OPN4: variants seen among roughly 807,000 people sequenced by gnomAD.
OPN4 encodes the protein opsin 4.
A neutral mutation model predicts 49.5 loss-of-function variants in OPN4; 43 were observed. The observed-to-expected ratio is 0.87, with a 90% CI of 0.68 to 1.12. OPN4 has a LOEUF of 1.12. Ranked by LOEUF, OPN4 falls within the 50% of genes most tolerant of loss-of-function variation. The probability of loss-of-function intolerance (pLI) is 0.00; values close to 1 mark genes in which losing one functional copy is unlikely to be tolerated. For synonymous variants in OPN4, 263 were observed against 258.0 expected (o/e 1.02, Z -0.19); for missense variants, 657 against 643.9 (o/e 1.02, Z -0.22).
At chr10:86,657,676 C>G (rs1242254848) in intron 2 of OPN4, among the ~76,000 whole-genome samples, 5 of 152,122 alleles carry the variant, frequency 3.3e-5, no homozygotes, top group Non-Finnish European at 7.4e-5. Flanking sequence ...TGGTGTGAGT[C>G]GTGCAGAGGA....
Position 86,663,684 on chromosome 10 carries a change from C to A in OPN4, c.1280C>A (p.Ala427Asp). 1 of 1,560,112 alleles carries A rather than the reference C, an allele frequency of 6.4e-7. No homozygotes were observed. The highest frequency in any genetic ancestry group is 1.2e-5 in the South Asian group (1 of 81,952). Residue 427 changes from alanine to aspartate, a missense_variant, in exon 9 of 10, where the codon GCT (alanine) becomes GAT (aspartate). Physicochemically the swap from Ala to Asp is moderately radical, Grantham distance 126 (BLOSUM62 -2). Coordinates refer to ENST00000241891, the MANE Select transcript of OPN4 (RefSeq NM_033282.4). ...EVGWTHMEAA[A>D]VWGAAQQANG... The stretch of plus-strand genomic sequence containing the variant: ...GGCTGGACACACATGGAGGCAGCAG[C>A]TGTGTGGGGAGCTGCCCAGCAAGCA...
intron 1 of OPN4, 84 bp from the exon 2 acceptor site, chr10:86,656,071 T>G: frequency 7.2e-5 from 113 of 1,578,484 alleles, no homozygotes; most frequent in Non-Finnish European, 9.0e-5. Context: ...CCTGCCCTGT[T>G]GAGAATCCTA....
chr10:86,663,622 C>A lies in OPN4; in HGVS notation c.1255-37C>A, dbSNP rs372464053. The A allele has an allele frequency of 4.8e-5, 71 of 1,464,992 alleles. 1 individual carries two copies. In the African/African-American group the frequency reaches 9.1e-4, roughly 19 times the overall value. The allele number at this position is 1,464,992 out of a possible 1,614,324, so 90.7% of individuals were successfully genotyped here. ...GGGCAGGAGCAAAGCTACGGACTGTCCCTCTCACCTCACAGTCACTCTCTC... is the reference window on the plus strand; with the variant it reads ...GGGCAGGAGCAAAGCTACGGACTGTACCTCTCACCTCACAGTCACTCTCTC... On this transcript the variant is annotated intron_variant, in intron 8 of 9. Coordinates refer to ENST00000241891, the MANE Select transcript of OPN4 (RefSeq NM_033282.4).
intron 4 of OPN4, 24 bp from the exon 5 acceptor site, chr10:86,659,273 C>T: frequency 6.3e-7 from 1 of 1,598,992 alleles, no homozygotes; most frequent in Non-Finnish European, 8.5e-7. Context: ...GCCCCAAAGG[C>T]TGAGCACCTG....
rs7072128 is a variant in OPN4, at chr10:86,656,401, G to T, written c.290+101G>T. On this transcript the variant is annotated intron_variant, in intron 2 of 9. Coordinates refer to ENST00000241891, the MANE Select transcript of OPN4 (RefSeq NM_033282.4). ...AATGTTGACTCTAGCTCTGGCCAGG[G>T]CACTGTTGAGGCTAGGCAAGGAGGG... 935 of 1,402,102 alleles carry T rather than the reference G, an allele frequency of 6.7e-4. 8 individuals carry two copies. In the African/African-American group the frequency reaches 0.012, roughly 18 times the overall value. 86.9% of individuals were successfully genotyped at this position (1,402,102 alleles called of 1,614,324 possible).
chr10:86,656,944 CAA>C (rs10718951), intron 2 of OPN4, among the ~76,000 whole-genome samples: 20,665 of 72,824 alleles, frequency 0.28, 2,010 homozygotes, highest in South Asian at 0.41. Context: ...GACTCCATCT[CAA>C]AAAAAAAAAA....
Position 86,660,061 on chromosome 10 carries a change from T to G in OPN4, c.965+2T>G. The G allele has an allele frequency of 6.2e-7, 1 of 1,614,070 alleles. No individual in the cohort carries two copies. Among genetic ancestry groups the G allele is most frequent in the Admixed American group, 1.7e-5 (1 of 60,028 alleles). The stretch of plus-strand genomic sequence containing the variant: ...TGTGGCCCTGGTGGCCTTTGCTGGG[T>G]AAGCAGTGGCTAAAGGGTTGGGGAA... On this transcript the variant is annotated splice_donor_variant, in intron 6 of 9. Transcript: ENST00000241891. LOFTEE classifies it high-confidence loss of function.
At chr10:86,658,217 G>A in intron 3 of OPN4, 52 bp downstream of exon 3, 1 of 1,601,098 alleles carries the variant, frequency 6.2e-7, no homozygotes, top group Non-Finnish European at 8.5e-7. Context: ...TTTTGACCTG[G>A]GGATGCCCTC....
At chr10:86,659,857 C>T in intron 5 of OPN4, 38 bp from the exon 6 acceptor site, 1 of 1,605,898 alleles carries the variant, frequency 6.2e-7, no homozygotes, top group Non-Finnish European at 8.5e-7. Context: ...TGACTGCCAC[C>T]CGACTAGGGT....
chr10:86,665,676 C>A, intron 9 of OPN4, 37 bp from the exon 10 acceptor site: 1 of 1,600,304 alleles, frequency 6.2e-7, no homozygotes, highest in Non-Finnish European at 8.6e-7. Context: ...CAGTGAACTG[C>A]TCCTCAGCTA....
At chr10:86,658,388 C>G in intron 3 of OPN4, 96 bp from the exon 4 acceptor site, 2 of 1,390,852 alleles carry the variant, frequency 1.4e-6, no homozygotes, top group Non-Finnish European at 2.0e-6. Flanking sequence ...GGAGTGCGCT[C>G]AGTCCTGCTC....
Position 86,654,760 on chromosome 10 carries a change from G to A in OPN4, c.-24G>A, listed in dbSNP as rs771102419. 27 of 1,595,234 alleles carry A rather than the reference G, an allele frequency of 1.7e-5. No individual in the cohort carries two copies. The African/African-American group carries it at 2.4e-4, about 14-fold the overall frequency. ...GTGCCCTTGACTTCTCTGTGGGCTC[G>A]AGCAAGGACCATCCCAACTCAGGAT... On this transcript the variant is annotated 5_prime_UTR_variant, in exon 1 of 10. Transcript: ENST00000241891.
rs905185457 is a variant in OPN4, at chr10:86,666,377, G to T, written c.*626G>T. 9 of 198,602 alleles carry T rather than the reference G, an allele frequency of 4.5e-5. No individual in the cohort carries two copies. The highest frequency in any genetic ancestry group is 1.8e-4 in the African/African-American group (8 of 43,358). 12.3% of individuals were successfully genotyped at this position (198,602 alleles called of 1,614,324 possible). On this transcript the variant is annotated 3_prime_UTR_variant, in exon 10 of 10. Coordinates refer to ENST00000241891, the MANE Select transcript of OPN4 (RefSeq NM_033282.4). The stretch of plus-strand genomic sequence containing the variant: ...ACTCTGCGTCTGTGATTCATTTCAT[G>T]TAGTGGTCTAAGCTCCTCCCAGGGC...
chr10:86,657,545 A>C (rs558249610), intron 2 of OPN4, among the ~76,000 whole-genome samples: 1 of 152,214 alleles, frequency 6.6e-6, no homozygotes, highest in East Asian at 1.9e-4. Flanking sequence ...CGGAGGAGGG[A>C]AGCGTGAGAA....
At position 86,654,889 on chromosome 10, in the gene OPN4, A is replaced by T; in HGVS notation, c.106A>T (p.Ile36Phe). 6.3e-7 allele frequency: 1 copy of T among 1,595,118 alleles called. No homozygotes were observed. The highest frequency in any genetic ancestry group is 1.1e-5 in the South Asian group (1 of 90,754). ...PSWWDSSQSS[I>F]SSLGRLPSIS... ...CTGGTGGGACAGCTCCCAGAGCAGCATCTCCAGCCTGGGCCGGCTTCCATC... is the reference window on the plus strand; with the variant it reads ...CTGGTGGGACAGCTCCCAGAGCAGCTTCTCCAGCCTGGGCCGGCTTCCATC... Residue 36 changes from isoleucine to phenylalanine, a missense_variant, in exon 1 of 10, where the codon ATC becomes TTC. By Grantham distance (21) the Ile-to-Phe change is conservative. Coordinates refer to ENST00000241891, the MANE Select transcript of OPN4 (RefSeq NM_033282.4).
At chr10:86,661,486 A>G in intron 7 of OPN4, 98 bp downstream of exon 7, 1 of 859,270 alleles carries the variant, frequency 1.2e-6, no homozygotes, top group Non-Finnish European at 1.8e-6. Flanking sequence ...GTGTGTGTGT[A>G]GAATGGGGGC....
intron 1 of OPN4, 38 bp from the exon 2 acceptor site, chr10:86,656,117 C>A: frequency 6.2e-7 from 1 of 1,613,596 alleles, no homozygotes; most frequent in South Asian, 1.1e-5. Context: ...AGGTGACAAG[C>A]GATAACATGA....
chr10:86,657,127 A>G, intron 2 of OPN4: 1 of 771,968 alleles, frequency 1.3e-6, no homozygotes, highest in South Asian at 1.4e-5. Context: ...TGGCTCTCCC[A>G]CCTGCCAGCT....
At chr10:86,660,319 C>T (rs1843974528) in intron 6 of OPN4, among the ~76,000 whole-genome samples, 1 of 152,208 alleles carries the variant, frequency 6.6e-6, no homozygotes, top group Admixed American at 6.5e-5. Flanking sequence ...TGCCAGCCCC[C>T]TTTGGAACAC....
Sources: gnomAD v4.1 joint callset for allele counts (sites outside exome capture counted in the v4.1 genomes callset) on GRCh38, gnomAD v4.1.1 for gene constraint, MANE v1.5 for transcripts, NCBI Gene and HGNC (gene_info 2026-07-23, HGNC 2026-07-21) for gene names.